Variants in PLCH2 observed in about 807,000 individuals in gnomAD.
The protein encoded by PLCH2 is phospholipase C eta 2, also known as 1-phosphatidylinositol 4,5-bisphosphate phosphodiesterase eta-2.
A neutral mutation model predicts 134.7 loss-of-function variants in PLCH2; 98 were observed. The observed-to-expected ratio is 0.73, with a 90% CI of 0.62 to 0.86. PLCH2 has a LOEUF of 0.86. PLCH2 is among the 40% of genes least tolerant of loss of function. The pLI is 0.00. For missense variants in PLCH2, 1,994 were observed against 1,986.6 expected (o/e 1.00, Z -0.07); for synonymous variants, 974 against 827.5 (o/e 1.18, Z -3.04).
chr1:2,483,957 C>A lies in PLCH2; in HGVS notation c.646-491C>A, dbSNP rs1407494889. On this transcript the variant is annotated intron_variant, in intron 4 of 21. Transcript: ENST00000378486. ...ACTCCCGTGTGGGTGGCGCTGACTC[C>A]CGTGTGGGGGGGCGCTGACTCCCGT... 1.7e-5 allele frequency among the ~76,000 whole-genome samples: 2 copies of A among 116,756 alleles called. 1 individual carries two copies. Among genetic ancestry groups the A allele is most frequent in the Non-Finnish European group, 3.6e-5 (2 of 55,000 alleles). The allele number at this position is 116,756 out of a possible 152,430, so 76.6% of individuals were successfully genotyped here.
rs753352398 is a variant in PLCH2 at position 2,504,480 on chromosome 1, C to A, written c.3518C>A (p.Ala1173Asp). 1 of 1,612,532 alleles carries A rather than the reference C, an allele frequency of 6.2e-7. No homozygotes were observed. The change falls in exon 22 of 22, where the codon GCT (alanine) becomes GAT (aspartate). Residue 1173 changes from alanine (A) to aspartate (D), a missense_variant. This residue lies in a region of PLCH2 where 900 missense variants were observed against 752.3 expected (regional missense o/e 1.20). Transcript: ENST00000378486. Reference protein sequence around the residue: ...LGLGRSRENLAGAHMGRLPPR... With the variant: ...LGLGRSRENLDGAHMGRLPPR... The stretch of plus-strand genomic sequence containing the variant: ...CTGGGCCGCAGCCGTGAGAACCTCG[C>A]TGGAGCCCACATGGGACGCCTGCCC...
chr1:2,497,993 C>T (rs1000798303), intron 16 of PLCH2: 5 of 256,494 alleles, frequency 1.9e-5, no homozygotes, highest in Non-Finnish European at 3.0e-5. Context: ...AACCTCCTCC[C>T]GGCTCTCAGA....
chr1:2,426,939 C>T (rs558683286), intron 1 of PLCH2, among the ~76,000 whole-genome samples: 3 of 152,360 alleles, frequency 2.0e-5, no homozygotes, highest in African/African-American at 4.8e-5. Flanking sequence ...GGGGTGGGAG[C>T]AGGGCCTCAC....
Position 2,476,574 on chromosome 1 carries a change from G to A in PLCH2, c.-15G>A, listed in dbSNP as rs765214264. Reference sequence around the variant, plus strand: ...TCTGTGGCCTCCGTGAAGCAGGCCCGGCTGTCGTCAGGCCATGTCTGGTCC... The same window carrying A: ...TCTGTGGCCTCCGTGAAGCAGGCCCAGCTGTCGTCAGGCCATGTCTGGTCC... On this transcript the variant is annotated 5_prime_UTR_variant, in exon 1 of 22. Transcript: ENST00000378486. 38 of 1,501,838 alleles carry A rather than the reference G, an allele frequency of 2.5e-5. No homozygotes were observed. Among genetic ancestry groups the A allele is most frequent in the South Asian group, 1.0e-4 (8 of 76,916 alleles). The allele number at this position is 1,501,838 out of a possible 1,614,324, so 93.0% of individuals were successfully genotyped here. A position where few individuals can be genotyped will look rare whatever the true frequency, so the allele number is the denominator to read the frequency against.
At chr1:2,431,133 T>G (rs1475821622) in intron 2 of PLCH2, among the ~76,000 whole-genome samples, 2 of 151,968 alleles carry the variant, frequency 1.3e-5, no homozygotes, top group Non-Finnish European at 2.9e-5. Context: ...CTGGCTGCCC[T>G]GCGTGTGCGT....
chr1:2,454,102 A>G (rs999287857), intron 2 of PLCH2, among the ~76,000 whole-genome samples: 1 of 152,184 alleles, frequency 6.6e-6, no homozygotes, highest in Admixed American at 6.5e-5. Flanking sequence ...GGGCATAGCC[A>G]TGAGGGCCAC....
At chr1:2,494,163 T>G (rs1029053380) in intron 11 of PLCH2, among the ~76,000 whole-genome samples, 2 of 152,040 alleles carry the variant, frequency 1.3e-5, no homozygotes, top group African/African-American at 4.8e-5. Flanking sequence ...TTTGGAGGTG[T>G]CTGTGGGAGG....
intron 2 of PLCH2, among the ~76,000 whole-genome samples, chr1:2,431,924 C>T (rs781381872): frequency 6.6e-6 from 1 of 152,156 alleles, no homozygotes; most frequent in Non-Finnish European, 1.5e-5. Flanking sequence ...GGTGCCTGCC[C>T]CCACTGATGC....
At chr1:2,471,355 AAGGGCTGCAC>A (rs1456968620), upstream of PLCH2, among the ~76,000 whole-genome samples, 2 of 152,174 alleles carry the variant, frequency 1.3e-5, no homozygotes, top group African/African-American at 4.8e-5. Context: ...CCTGCACAAG[AAGGGCTGCAC>A]TGGGGGAAGG....
chr1:2,503,573 T>C, intron 21 of PLCH2: 1 of 445,328 alleles, frequency 2.2e-6, no homozygotes, highest in South Asian at 1.8e-5. Context: ...CAGACCCCCC[T>C]GACCAAGCTT....
chr1:2,434,101 G>A (rs977337054), intron 2 of PLCH2, among the ~76,000 whole-genome samples: 1 of 152,240 alleles, frequency 6.6e-6, no homozygotes, highest in Non-Finnish European at 1.5e-5. Context: ...TGGAGGCTGC[G>A]GGTCTCCCTG....
chr1:2,497,541 T>A lies in PLCH2; in HGVS notation c.2156T>A (p.Leu719Gln). Residue 719 changes from leucine (L) to glutamine (Q), a missense_variant, in exon 16 of 22, where the codon CTG becomes CAG. By Grantham distance (113) the Leu-to-Gln change is moderately radical. Around this residue, in one of 2 missense-constraint regions of PLCH2, gnomAD observed 1,094 missense variants for 1,234.3 expected, o/e 0.89. Transcript: ENST00000378486. ...CAGTCAGAGGGGCGGATGCTGCAGC[T>A]GAACCGAGCCAAGTTCAGCGCCAAC... ...NYQSEGRMLQ[L>Q]NRAKFSANGG... 6.4e-7 allele frequency: 1 copy of A among 1,561,556 alleles called. No individual in the cohort carries two copies. The highest frequency in any genetic ancestry group is 8.7e-7 in the Non-Finnish European group (1 of 1,153,334).
upstream of PLCH2, among the ~76,000 whole-genome samples, chr1:2,462,605 A>C (rs1339297618): frequency 2.0e-5 from 3 of 151,890 alleles, no homozygotes; most frequent in East Asian, 5.8e-4. Flanking sequence ...CCAGGTCCTC[A>C]CTGGTCTGTC....
chr1:2,495,518 A>G lies in PLCH2; in HGVS notation c.1783A>G (p.Ser595Gly), dbSNP rs771785596. 13 of 1,551,912 alleles carry G rather than the reference A, an allele frequency of 8.4e-6. No homozygotes were observed. In the African/African-American group the frequency reaches 1.8e-4, roughly 21 times the overall value. The change falls in exon 13 of 22, where the codon AGC becomes GGC. Residue 595 changes from serine to glycine, a missense_variant. Physicochemically the swap from Ser to Gly is moderately conservative, Grantham distance 56 (BLOSUM62 0). Coordinates refer to ENST00000378486, the MANE Select transcript of PLCH2 (RefSeq NM_014638.4). ...GGGCAGCAAGCTGAAGAAGGCGGCC[A>G]GCGTGGAGGAGGGAGATGAGGGTCA... ...KKGSKLKKAA[S>G]VEEGDEGQDS...
intron 4 of PLCH2, 95 bp downstream of exon 4, chr1:2,480,407 G>GC: frequency 7.1e-7 from 1 of 1,405,556 alleles, no homozygotes; most frequent in Non-Finnish European, 9.8e-7. Context: ...GACTGAGCTG[G>GC]AGGGGACCCT....
upstream of PLCH2, among the ~76,000 whole-genome samples, chr1:2,465,169 A>G (rs1422691326): frequency 6.6e-6 from 1 of 152,204 alleles, no homozygotes; most frequent in East Asian, 1.9e-4. Context: ...GCCCTGTCTC[A>G]GGGTGTGGTC....
intron 1 of PLCH2, among the ~76,000 whole-genome samples, chr1:2,426,479 G>A (rs1278112501): frequency 1.3e-5 from 2 of 152,204 alleles, no homozygotes; most frequent in Non-Finnish European, 2.9e-5. Flanking sequence ...AGTCCCCATG[G>A]GGTCCTGGGG....
At chr1:2,417,797 G>A in the PLCH2 span, among the ~76,000 whole-genome samples, 1 of 152,186 alleles carries the variant, frequency 6.6e-6, no homozygotes, top group Non-Finnish European at 1.5e-5. Flanking sequence ...AGGAGGGGAC[G>A]GGCAGGGGCT....
At chr1:2,492,771 G>A (rs1285263178) in intron 11 of PLCH2, among the ~76,000 whole-genome samples, 3 of 152,136 alleles carry the variant, frequency 2.0e-5, no homozygotes, top group African/African-American at 7.2e-5. Context: ...TCCCACTGAG[G>A]GACACTTGTG....
Sources: gnomAD v4.1 joint callset for allele counts (sites outside exome capture counted in the v4.1 genomes callset) on GRCh38, gnomAD v4.1.1 for gene constraint, gnomAD v4.1.1 regional missense constraint, MANE v1.5 for transcripts, NCBI Gene and HGNC (gene_info 2026-07-23, HGNC 2026-07-21) for gene names.